The following VDAC1 variants were observed in gnomAD, a reference collection of about 807,000 sequenced individuals.
VDAC1 encodes non-selective voltage-gated ion channel VDAC1.
VDAC1 carries 10 observed loss-of-function variants against 34.7 expected under a neutral mutation model. The ratio of observed to expected loss-of-function variants is 0.29; its 90% CI spans 0.18 to 0.49. The LOEUF is 0.49. Ranked by LOEUF, VDAC1 falls within the 20% of genes least tolerant of loss-of-function variation. VDAC1 has a pLI of 0.99. For synonymous variants in VDAC1, 130 were observed against 136.0 expected (o/e 0.96, Z 0.30); for missense variants, 230 against 347.9 (o/e 0.66, Z 2.69).
the VDAC1 span, among the ~76,000 whole-genome samples, chr5:134,078,549 G>C: frequency 6.6e-6 from 1 of 152,076 alleles, no homozygotes; most frequent in Non-Finnish European, 1.5e-5. Context: ...ACAGATGGAA[G>C]GCCACCCTGA....
the VDAC1 span, among the ~76,000 whole-genome samples, chr5:134,063,997 T>A: frequency 5.3e-5 from 1 of 18,990 alleles, no homozygotes; most frequent in African/African-American, 1.3e-4. Context: ...CTGTACTAAT[T>A]TTTTTTTTTT....
chr5:134,023,015 A>G, the VDAC1 span, among the ~76,000 whole-genome samples: 1 of 152,202 alleles, frequency 6.6e-6, no homozygotes, highest in African/African-American at 2.4e-5. Flanking sequence ...CTATAAAGAC[A>G]CAGGCACGCA....
At chr5:133,989,542 T>G (rs1181444045) in intron 5 of VDAC1, among the ~76,000 whole-genome samples, 1 of 152,026 alleles carries the variant, frequency 6.6e-6, no homozygotes, top group Non-Finnish European at 1.5e-5. Flanking sequence ...GTATTTTTAT[T>G]AGAGATGGGG....
the VDAC1 span, among the ~76,000 whole-genome samples, chr5:134,095,484 G>GTAAATAAATAAATAAA: frequency 9.1e-5 from 13 of 142,558 alleles, no homozygotes; most frequent in Non-Finnish European, 1.4e-4. Flanking sequence ...CTCTGTCTCA[G>GTAAATAAATAAATAAA]TAAATAAATA....
chr5:134,055,792 A>G, the VDAC1 span, among the ~76,000 whole-genome samples: 1 of 151,542 alleles, frequency 6.6e-6, no homozygotes, highest in Non-Finnish European at 1.5e-5. Flanking sequence ...AACTATATAG[A>G]TTAAAAAGTG....
the VDAC1 span, among the ~76,000 whole-genome samples, chr5:134,048,294 T>C: frequency 1.4e-5 from 2 of 145,102 alleles, no homozygotes; most frequent in African/African-American, 5.2e-5. Context: ...TTTGAGACAG[T>C]CTCGCTCTGT....
chr5:134,073,159 C>T, the VDAC1 span, among the ~76,000 whole-genome samples: 3 of 152,162 alleles, frequency 2.0e-5, no homozygotes, highest in South Asian at 2.1e-4. Flanking sequence ...CCCCTGCCTC[C>T]CAAAGGGATG....
chr5:134,044,807 C>T, the VDAC1 span, among the ~76,000 whole-genome samples: 6 of 152,216 alleles, frequency 3.9e-5, no homozygotes, highest in African/African-American at 1.4e-4. Flanking sequence ...TGAGCTCCTA[C>T]CCCATGTGAG....
rs924515455 is a variant in VDAC1 at position 133,990,721 on chromosome 5, G to A, written c.323+134C>T. ...GACCCCTGGGACCAAATCAAAACCA[G>A]AGGACTTAAATCGCCAGGTCTCGGA... On this transcript the variant is annotated intron_variant, in intron 5 of 8. Transcript: ENST00000265333. 21 of 1,016,526 alleles carry A rather than the reference G, an allele frequency of 2.1e-5. No individual in the cohort carries two copies. The African/African-American group carries it at 3.3e-4, about 16-fold the overall frequency. The allele number at this position is 1,016,526 out of a possible 1,614,324, so 63.0% of individuals were successfully genotyped here.
chr5:134,070,036 A>G, the VDAC1 span, among the ~76,000 whole-genome samples: 4,483 of 152,264 alleles, frequency 0.029, 74 homozygotes, highest in Middle Eastern at 0.038. Flanking sequence ...GGAGGCATGA[A>G]TAATCCACCC....
At chr5:134,017,836 C>T in the VDAC1 span, among the ~76,000 whole-genome samples, 1 of 152,262 alleles carries the variant, frequency 6.6e-6, no homozygotes, top group South Asian at 2.1e-4. Context: ...TGGTGTGAAC[C>T]CAGGAGGCGG....
chr5:133,999,829 C>G (rs933610441), intron 1 of VDAC1, among the ~76,000 whole-genome samples: 3 of 152,140 alleles, frequency 2.0e-5, no homozygotes, highest in African/African-American at 7.2e-5. Context: ...CAATCACAAC[C>G]ATCATCATCA....
At chr5:133,974,548 GAAGAGGCTT>G (rs1169957733) in intron 7 of VDAC1, among the ~76,000 whole-genome samples, 2 of 152,218 alleles carry the variant, frequency 1.3e-5, no homozygotes, top group African/African-American at 2.4e-5. Context: ...GGTATTAATG[GAAGAGGCTT>G]AACAGTAAGC....
chr5:134,094,110 C>T, the VDAC1 span, among the ~76,000 whole-genome samples: 1 of 152,218 alleles, frequency 6.6e-6, no homozygotes, highest in Non-Finnish European at 1.5e-5. Context: ...AGGCAGGTGC[C>T]CTGCTTCTTG....
the VDAC1 span, among the ~76,000 whole-genome samples, chr5:134,067,930 C>T: frequency 6.6e-6 from 1 of 151,962 alleles, no homozygotes; most frequent in African/African-American, 2.4e-5. Context: ...CCAGCCTGGC[C>T]AACATGGTGA....
chr5:134,060,880 C>CTTTTTTTTTTTTTTT, the VDAC1 span, among the ~76,000 whole-genome samples: 225 of 98,636 alleles, frequency 2.3e-3, 11 homozygotes, highest in Non-Finnish European at 2.6e-3. Flanking sequence ...TCTTCTTCTT[C>CTTTTTTTTTTTTTTT]TTTTTTTTTT....
chr5:134,113,485 G>A, the VDAC1 span, among the ~76,000 whole-genome samples: 1 of 152,262 alleles, frequency 6.6e-6, no homozygotes, highest in African/African-American at 2.4e-5. Context: ...GCTGCCAGGG[G>A]TCCTGTGGGG....
intron 5 of VDAC1, among the ~76,000 whole-genome samples, chr5:133,988,329 G>A (rs1752978427): frequency 6.6e-6 from 1 of 151,918 alleles, no homozygotes; most frequent in Non-Finnish European, 1.5e-5. Flanking sequence ...GCTCACGCCT[G>A]TAAACCCGGC....
At chr5:134,058,061 A>T in the VDAC1 span, among the ~76,000 whole-genome samples, 1 of 150,142 alleles carries the variant, frequency 6.7e-6, no homozygotes, top group Non-Finnish European at 1.5e-5. Flanking sequence ...ATGCCCAGCT[A>T]ATTTTTGTAT....
Sources: gnomAD v4.1 joint callset for allele counts (sites outside exome capture counted in the v4.1 genomes callset) on GRCh38, gnomAD v4.1.1 for gene constraint, MANE v1.5 for transcripts, NCBI Gene and HGNC (gene_info 2026-07-23, HGNC 2026-07-21) for gene names.